RALGPS2: variants seen among roughly 807,000 people sequenced by gnomAD.
RALGPS2 encodes ras-specific guanine nucleotide-releasing factor RalGPS2.
RALGPS2 carries 43 observed loss-of-function variants against 86.8 expected under a neutral mutation model. The ratio of observed to expected loss-of-function variants is 0.50; its 90% CI spans 0.39 to 0.64. The LOEUF (loss-of-function observed/expected upper bound fraction) is 0.64, where lower values mean the gene tolerates loss of function less well. Among genes scored for constraint, RALGPS2 ranks in the 30% least tolerant of loss-of-function variants. RALGPS2 has a pLI of 0.00. For missense variants in RALGPS2, 536 were observed against 694.6 expected, an observed-to-expected ratio of 0.77 and a Z score of 2.57; for synonymous variants, 243 against 231.3, an observed-to-expected ratio of 1.05 and a Z score of -0.46.
intron 7 of RALGPS2, among the ~76,000 whole-genome samples, chr1:178,825,346 G>A (rs1655698694): frequency 6.6e-6 from 1 of 152,134 alleles, no homozygotes; most frequent in Admixed American, 6.5e-5. Context: ...AAAGGAGGAA[G>A]ATGATGAACA....
intron 1 of RALGPS2, among the ~76,000 whole-genome samples, chr1:178,737,695 A>G (rs1394903273): frequency 6.6e-6 from 1 of 152,090 alleles, no homozygotes. Context: ...TTCATTTTTA[A>G]TTCATCTTAT....
At chr1:178,746,947 A>G (rs1651366825) in intron 1 of RALGPS2, 15 of 1,012,194 alleles carry the variant, frequency 1.5e-5, no homozygotes, top group Admixed American at 3.4e-5. Flanking sequence ...AATGATCAAA[A>G]GCAGGAGGTA....
intron 6 of RALGPS2, among the ~76,000 whole-genome samples, chr1:178,812,928 CTTTTTTT>C (rs397844555): frequency 9.4e-6 from 1 of 106,844 alleles, no homozygotes. Flanking sequence ...TAGGTAAATA[CTTTTTTT>C]TTTTTTTTTT....
At chr1:178,828,686 T>A (rs1360684536) in intron 7 of RALGPS2, among the ~76,000 whole-genome samples, 3 of 152,164 alleles carry the variant, frequency 2.0e-5, no homozygotes, top group African/African-American at 4.8e-5. Flanking sequence ...ACATCGCTAA[T>A]CATCAGGGCA....
intron 10 of RALGPS2, 91 bp from the exon 11 acceptor site, chr1:178,883,375 T>G: frequency 1.0e-6 from 1 of 996,340 alleles, no homozygotes; most frequent in South Asian, 1.4e-5. Flanking sequence ...AAAAATGTTT[T>G]TAGTTTTTTT....
intron 7 of RALGPS2, among the ~76,000 whole-genome samples, chr1:178,831,716 A>G (rs1656031880): frequency 6.7e-6 from 1 of 148,816 alleles, no homozygotes; most frequent in Non-Finnish European, 1.5e-5. Flanking sequence ...AGAAGATTTG[A>G]AAAGAAGAAA....
In RALGPS2 at chr1:178,902,036, C is replaced by G. The variant is rs1187571412; in HGVS notation, c.1525-70C>G. On this transcript the variant is annotated intron_variant, in intron 17 of 19. Coordinates refer to ENST00000367635, the MANE Select transcript of RALGPS2 (RefSeq NM_152663.5). ...TTAGGAGAAACTGAAAATACACTCC[C>G]TAACACTGAAGTTTTGCTAGAATAA... 17 of 1,141,112 alleles carry G rather than the reference C, an allele frequency of 1.5e-5. No individual in the cohort carries two copies. The East Asian group carries it at 3.1e-4, about 21-fold the overall frequency. The allele number at this position is 1,141,112 out of a possible 1,614,324, so 70.7% of individuals were successfully genotyped here. A position where few individuals can be genotyped will look rare whatever the true frequency, so the allele number is the denominator to read the frequency against.
At position 178,916,621 on chromosome 1, in the gene RALGPS2, G is replaced by C. The variant is rs1167142941; in HGVS notation, c.*262G>C. 5.0e-6 allele frequency: 2 copies of C among 402,192 alleles called. No individual in the cohort carries two copies. The highest frequency in any genetic ancestry group is 8.7e-6 in the Non-Finnish European group (2 of 229,288). The allele number at this position is 402,192 out of a possible 1,614,324, so 24.9% of individuals were successfully genotyped here. On this transcript the variant is annotated 3_prime_UTR_variant, in exon 20 of 20. Transcript: ENST00000367635. ...ACCTGTGGAAACCACTGCCTTAAAA[G>C]AATGAAAGGAAAACCAACATGAAAC...
chr1:178,877,905 G>A (rs776827293), intron 9 of RALGPS2, among the ~76,000 whole-genome samples: 78 of 152,068 alleles, frequency 5.1e-4, no homozygotes, highest in Non-Finnish European at 9.7e-4. Context: ...CTTTCTCACA[G>A]CACAAAGGCA....
chr1:178,821,836 C>A, intron 7 of RALGPS2, 132 bp downstream of exon 7: 1 of 743,928 alleles, frequency 1.3e-6, no homozygotes, highest in South Asian at 2.1e-5. Flanking sequence ...GCTTTGTACT[C>A]TATTCTTTGA....
chr1:178,860,585 A>G (rs146488999), intron 8 of RALGPS2, among the ~76,000 whole-genome samples: 3 of 152,290 alleles, frequency 2.0e-5, no homozygotes, highest in African/African-American at 7.2e-5. Context: ...AATAACCATT[A>G]AACAACTCCC....
chr1:178,813,725 T>G (rs906007993), intron 6 of RALGPS2, among the ~76,000 whole-genome samples: 4 of 152,002 alleles, frequency 2.6e-5, no homozygotes, highest in African/African-American at 9.7e-5. Context: ...AACTCAGGAG[T>G]TTAGGCACTA....
chr1:178,747,966 G>A (rs957631679), intron 1 of RALGPS2, among the ~76,000 whole-genome samples: 3 of 152,228 alleles, frequency 2.0e-5, no homozygotes, highest in Non-Finnish European at 4.4e-5. Context: ...TCTATACTTT[G>A]CTTTTAGGAC....
intron 4 of RALGPS2, among the ~76,000 whole-genome samples, chr1:178,807,470 A>C (rs1369324488): frequency 6.6e-6 from 1 of 152,238 alleles, no homozygotes; most frequent in African/African-American, 2.4e-5. Context: ...TGTGTTGCCA[A>C]TGCCACTGTA....
intron 16 of RALGPS2, among the ~76,000 whole-genome samples, chr1:178,895,792 C>T (rs1423823562): frequency 6.6e-6 from 1 of 151,840 alleles, no homozygotes; most frequent in Non-Finnish European, 1.5e-5. Flanking sequence ...GCAGGTCAGT[C>T]TTGGCCAAGT....
At chr1:178,882,511 TG>T (rs1659297250) in intron 10 of RALGPS2, among the ~76,000 whole-genome samples, 1 of 152,228 alleles carries the variant, frequency 6.6e-6, no homozygotes, top group African/African-American at 2.4e-5. Flanking sequence ...ATCAAATAAC[TG>T]GAATATAATT....
chr1:178,908,552 G>A (rs1410901841), intron 19 of RALGPS2, among the ~76,000 whole-genome samples: 1 of 152,166 alleles, frequency 6.6e-6, no homozygotes, highest in Non-Finnish European at 1.5e-5. Context: ...AAGTGTATAA[G>A]CATTCCCTTT....
At chr1:178,778,125 A>G (rs1653188743) in intron 2 of RALGPS2, among the ~76,000 whole-genome samples, 1 of 128,366 alleles carries the variant, frequency 7.8e-6, no homozygotes, top group African/African-American at 3.7e-5. Flanking sequence ...AATGGGAGAA[A>G]ATTTTCACAA....
intron 1 of RALGPS2, among the ~76,000 whole-genome samples, chr1:178,766,240 A>G (rs1652501104): frequency 6.6e-6 from 1 of 152,182 alleles, no homozygotes; most frequent in African/African-American, 2.4e-5. Flanking sequence ...CCATGGCTTC[A>G]GCCGGTTCTT....
Sources: gnomAD v4.1 joint callset for allele counts (sites outside exome capture counted in the v4.1 genomes callset) on GRCh38, gnomAD v4.1.1 for gene constraint, MANE v1.5 for transcripts, NCBI Gene and HGNC (gene_info 2026-07-23, HGNC 2026-07-21) for gene names.